DTNA: variants seen among roughly 807,000 people sequenced by gnomAD.
DTNA encodes dystrophin-related protein 3.
A neutral mutation model predicts 100.7 loss-of-function variants in DTNA; 43 were observed. The ratio of observed to expected loss-of-function variants is 0.43; its 90% CI spans 0.33 to 0.55. The LOEUF (loss-of-function observed/expected upper bound fraction) is 0.55. Among genes scored for constraint, DTNA ranks in the 20% least tolerant of loss-of-function variants. DTNA has a pLI of 0.04. For synonymous variants in DTNA, 349 were observed against 347.9 expected, an observed-to-expected ratio of 1.00 and a Z score of -0.04; for missense variants, 798 against 953.9, an observed-to-expected ratio of 0.84 and a Z score of 2.15.
chr18:34,830,175 A>G (rs1486122300), intron 11 of DTNA, among the ~76,000 whole-genome samples: 1 of 152,172 alleles, frequency 6.6e-6, no homozygotes, highest in East Asian at 1.9e-4. Flanking sequence ...AACCAAAGAA[A>G]TATGACCTAT....
At position 34,884,977 on chromosome 18, in the gene DTNA, GGAGGT is replaced by G. The variant is rs796425527; in HGVS notation, c.*31+204_*31+208del. ...AGTGGAGATTTGCCAGACATCCTTG[GGAGGT>G]GACTTCTTACTCTATTAGCTAGGAA... On this transcript the variant is annotated intron_variant, in intron 22 of 22. Coordinates refer to ENST00000444659, the MANE Select transcript of DTNA (RefSeq NM_001386795.1). Among the ~76,000 whole-genome samples the G allele has an allele frequency of 3.9e-4, 59 of 152,288 alleles. 1 individual carries two copies. The highest frequency in any genetic ancestry group is 1.4e-3 in the African/African-American group (58 of 41,558).
chr18:34,848,542 T>C (rs2096421087), intron 14 of DTNA, among the ~76,000 whole-genome samples, 159 bp downstream of exon 14: 1 of 151,998 alleles, frequency 6.6e-6, no homozygotes, highest in African/African-American at 2.4e-5. Context: ...GTCTTGGTGG[T>C]GAATTTACAG....
intron 1 of DTNA, among the ~76,000 whole-genome samples, chr18:34,609,947 G>A (rs1364066618): frequency 2.6e-5 from 4 of 151,768 alleles, no homozygotes; most frequent in Admixed American, 2.6e-4. Flanking sequence ...CAATTCTTAG[G>A]GACACTTTGA....
At chr18:34,752,764 G>T (rs16965874) in intron 1 of DTNA, among the ~76,000 whole-genome samples, 1,943 of 152,168 alleles carry the variant, frequency 0.013, 24 homozygotes, top group African/African-American at 0.044. Context: ...AATACCTATT[G>T]TGTAACTAAT....
intron 1 of DTNA, among the ~76,000 whole-genome samples, chr18:34,586,661 A>C (rs2049168187): frequency 1.3e-5 from 2 of 152,320 alleles, no homozygotes; most frequent in South Asian, 4.1e-4. Context: ...AATTAGAACC[A>C]GTTTTCACAT....
chr18:34,817,560 C>G (rs1309193689), intron 7 of DTNA, among the ~76,000 whole-genome samples: 1 of 151,230 alleles, frequency 6.6e-6, no homozygotes, highest in Non-Finnish European at 1.5e-5. Flanking sequence ...TTTTAGGGCC[C>G]TATACACCTG....
chr18:34,737,627 T>G (rs2089871110), intron 1 of DTNA, among the ~76,000 whole-genome samples: 1 of 152,162 alleles, frequency 6.6e-6, no homozygotes, highest in African/African-American at 2.4e-5. Flanking sequence ...GGTCAAATCT[T>G]CCAAGTCTTT....
At chr18:34,531,905 A>T (rs1222323636) in intron 1 of DTNA, among the ~76,000 whole-genome samples, 1 of 152,156 alleles carries the variant, frequency 6.6e-6, no homozygotes, top group Non-Finnish European at 1.5e-5. Flanking sequence ...AGAGTTGAAA[A>T]AAGAACATGA....
At chr18:34,860,830 A>T (rs1396026664) in intron 16 of DTNA, among the ~76,000 whole-genome samples, 2 of 152,090 alleles carry the variant, frequency 1.3e-5, no homozygotes, top group Non-Finnish European at 1.5e-5. Flanking sequence ...CTGCATACTA[A>T]CTCTACATAC....
At chr18:34,763,158 T>C (rs1488785125) in intron 2 of DTNA, among the ~76,000 whole-genome samples, 2 of 152,200 alleles carry the variant, frequency 1.3e-5, no homozygotes, top group Non-Finnish European at 2.9e-5. Flanking sequence ...TTCTTTTAAG[T>C]GATTATTTAC....
intron 1 of DTNA, among the ~76,000 whole-genome samples, chr18:34,732,866 G>A (rs145404144): frequency 2.1e-3 from 324 of 152,278 alleles, no homozygotes; most frequent in African/African-American, 7.7e-3. Context: ...TGCTAAGTAT[G>A]TCTATGCCAA....
At chr18:34,728,627 G>A (rs2087321860) in intron 1 of DTNA, among the ~76,000 whole-genome samples, 1 of 152,130 alleles carries the variant, frequency 6.6e-6, no homozygotes, top group South Asian at 2.1e-4. Context: ...GGTACAGTTG[G>A]CTGCAGACTC....
intron 1 of DTNA, among the ~76,000 whole-genome samples, chr18:34,674,582 A>G (rs887467766): frequency 6.6e-6 from 1 of 152,148 alleles, no homozygotes; most frequent in Admixed American, 6.6e-5. Flanking sequence ...CAACTTTCTA[A>G]GCCACTTTGA....
chr18:34,643,738 G>A (rs1318928293), intron 1 of DTNA, among the ~76,000 whole-genome samples: 1 of 152,136 alleles, frequency 6.6e-6, no homozygotes, highest in Non-Finnish European at 1.5e-5. Context: ...CTGAGATTAT[G>A]TTTTCTGCTC....
chr18:34,664,243 T>C (rs2075599839), intron 1 of DTNA, among the ~76,000 whole-genome samples: 1 of 152,120 alleles, frequency 6.6e-6, no homozygotes, highest in Admixed American at 6.6e-5. Flanking sequence ...TTAAGCCAGA[T>C]ATTAGGGGAT....
At chr18:34,873,669 G>C (rs947498236) in intron 17 of DTNA, among the ~76,000 whole-genome samples, 3 of 152,198 alleles carry the variant, frequency 2.0e-5, no homozygotes, top group Non-Finnish European at 4.4e-5. Flanking sequence ...CCAGGGTCAT[G>C]GAGAGAAATC....
chr18:34,774,402 G>T (rs1160874488), intron 3 of DTNA, among the ~76,000 whole-genome samples: 4 of 152,242 alleles, frequency 2.6e-5, no homozygotes, highest in African/African-American at 9.6e-5. Flanking sequence ...AGGGATGGGA[G>T]AGCAGCTTCT....
intron 1 of DTNA, among the ~76,000 whole-genome samples, chr18:34,637,914 C>T (rs552810272): frequency 9.8e-5 from 15 of 152,312 alleles, no homozygotes; most frequent in South Asian, 6.2e-4. Flanking sequence ...GTAAATTTGT[C>T]ATTACAGTCT....
intron 1 of DTNA, among the ~76,000 whole-genome samples, chr18:34,643,584 T>C (rs1301996857): frequency 2.6e-5 from 4 of 152,252 alleles, no homozygotes; most frequent in African/African-American, 9.6e-5. Flanking sequence ...AATATATTCA[T>C]TGGGTAAACC....
Sources: gnomAD v4.1 joint callset for allele counts (sites outside exome capture counted in the v4.1 genomes callset) on GRCh38, gnomAD v4.1.1 for gene constraint, MANE v1.5 for transcripts, NCBI Gene and HGNC (gene_info 2026-07-23, HGNC 2026-07-21) for gene names.